The following NELL1 variants were observed in gnomAD, a reference collection of about 807,000 sequenced individuals.
NELL1 encodes the protein protein kinase C-binding protein NELL1.
NELL1 carries 76 observed loss-of-function variants against 107.4 expected under a neutral mutation model. The observed-to-expected ratio is 0.71, with a 90% CI of 0.59 to 0.86. The LOEUF is 0.86. Ranked by LOEUF, NELL1 falls within the 40% of genes least tolerant of loss-of-function variation. The pLI, the probability that NELL1 is intolerant of heterozygous loss-of-function variation, is 0.00. For synonymous variants in NELL1, 353 were observed against 341.2 expected (o/e 1.03, Z -0.38); for missense variants, 1,024 against 1,005.5 (o/e 1.02, Z -0.25).
chr11:21,147,836 C>CAAAAAAAAAAAAAA (rs35688285), intron 13 of NELL1, among the ~76,000 whole-genome samples: 4 of 28,806 alleles, frequency 1.4e-4, no homozygotes, highest in Non-Finnish European at 1.8e-4. Flanking sequence ...AACTCCGTCT[C>CAAAAAAAAAAAAAA]AAAAAAAAAA....
intron 13 of NELL1, among the ~76,000 whole-genome samples, chr11:21,205,132 G>T (rs1235244108): frequency 6.6e-6 from 1 of 152,138 alleles, no homozygotes; most frequent in East Asian, 1.9e-4. Flanking sequence ...AGCAGAGCTC[G>T]AACGCTGTGC....
At chr11:21,084,537 G>A (rs140641437) in intron 12 of NELL1, among the ~76,000 whole-genome samples, 16 of 152,146 alleles carry the variant, frequency 1.1e-4, no homozygotes, top group South Asian at 4.1e-4. Flanking sequence ...TGAGAGTCTC[G>A]CTCTCCACAT....
intron 12 of NELL1, among the ~76,000 whole-genome samples, chr11:21,031,188 C>A (rs1296421767): frequency 2.0e-5 from 3 of 152,070 alleles, no homozygotes; most frequent in Non-Finnish European, 4.4e-5. Context: ...TACAGATAGA[C>A]CGTTCTGTGC....
At chr11:21,501,418 G>A (rs1855138127) in intron 15 of NELL1, among the ~76,000 whole-genome samples, 1 of 152,162 alleles carries the variant, frequency 6.6e-6, no homozygotes, top group Non-Finnish European at 1.5e-5. Flanking sequence ...CTTGGATACT[G>A]TGTTTAAGAT....
At chr11:21,414,930 A>C (rs992394710) in intron 15 of NELL1, among the ~76,000 whole-genome samples, 1 of 152,122 alleles carries the variant, frequency 6.6e-6, no homozygotes. Flanking sequence ...GTTCAACATT[A>C]GAATGAGGCA....
rs1565169810 is a variant in NELL1 at position 21,327,162 on chromosome 11, G to GGTT, written c.1550-43691_1550-43690insGTT. 1.2e-4 allele frequency among the ~76,000 whole-genome samples: 12 copies of GGTT among 96,944 alleles called. 3 individuals are homozygous for GGTT. Among genetic ancestry groups the GGTT allele is most frequent in the Admixed American group, 1.3e-4 (1 of 7,658 alleles). The allele number at this position is 96,944 out of a possible 152,430, so 63.6% of individuals were successfully genotyped here. A position where few individuals can be genotyped will look rare whatever the true frequency, so the allele number is the denominator to read the frequency against. The stretch of plus-strand genomic sequence containing the variant: ...ACAGTGAGTTCTCATGAGATCTGAT[G>GGTT]TTTTTTTTTTTTTTTTGTGGGGGGG... On this transcript the variant is annotated intron_variant, in intron 14 of 19. Coordinates refer to ENST00000357134, the MANE Select transcript of NELL1 (RefSeq NM_006157.5).
intron 15 of NELL1, among the ~76,000 whole-genome samples, chr11:21,502,984 G>T (rs941706516): frequency 1.3e-5 from 2 of 152,186 alleles, no homozygotes; most frequent in African/African-American, 4.8e-5. Flanking sequence ...CCGGGTTCAA[G>T]TGATTCTCCT....
At chr11:20,998,537 A>G (rs1852142957) in intron 12 of NELL1, among the ~76,000 whole-genome samples, 1 of 152,180 alleles carries the variant, frequency 6.6e-6, no homozygotes. Context: ...CCATCTCTAT[A>G]TACCTCCAGT....
chr11:21,483,639 T>C (rs1329914529), intron 15 of NELL1, among the ~76,000 whole-genome samples: 1 of 151,920 alleles, frequency 6.6e-6, no homozygotes, highest in Non-Finnish European at 1.5e-5. Context: ...AAGCTTAATT[T>C]AAAGAGGATG....
At chr11:21,220,628 C>G (rs1049552159) in intron 13 of NELL1, among the ~76,000 whole-genome samples, 1 of 151,744 alleles carries the variant, frequency 6.6e-6, no homozygotes, top group Non-Finnish European at 1.5e-5. Context: ...TTTTTTGTAG[C>G]TATTGTAAAT....
chr11:21,008,630 T>G (rs1852381328), intron 12 of NELL1, among the ~76,000 whole-genome samples: 1 of 152,002 alleles, frequency 6.6e-6, no homozygotes, highest in Non-Finnish European at 1.5e-5. Context: ...AGAAGTGTGG[T>G]GTGGGAGAGA....
intron 15 of NELL1, among the ~76,000 whole-genome samples, chr11:21,440,567 A>C (rs1853256605): frequency 6.6e-6 from 1 of 152,152 alleles, no homozygotes; most frequent in African/African-American, 2.4e-5. Context: ...CAGGCTTATC[A>C]ATCAGTTTAG....
chr11:20,855,165 C>A (rs925463433), intron 4 of NELL1, among the ~76,000 whole-genome samples: 4 of 151,734 alleles, frequency 2.6e-5, no homozygotes, highest in Non-Finnish European at 5.9e-5. Flanking sequence ...TTTTAAGAAC[C>A]TTCAACTTTT....
intron 2 of NELL1, among the ~76,000 whole-genome samples, chr11:20,742,939 C>T (rs1855923979): frequency 1.3e-5 from 2 of 152,150 alleles, no homozygotes; most frequent in Admixed American, 1.3e-4. Context: ...TAGAATGTTT[C>T]TGTGTGCACA....
At chr11:20,729,584 TTGTG>T (rs1224187753) in intron 2 of NELL1, among the ~76,000 whole-genome samples, 2 of 152,174 alleles carry the variant, frequency 1.3e-5, no homozygotes, top group East Asian at 3.8e-4. Context: ...AAAATTCTGT[TTGTG>T]TGGTGAATTA....
intron 16 of NELL1, among the ~76,000 whole-genome samples, chr11:21,551,958 TA>T (rs1187934426): frequency 7.0e-6 from 1 of 143,810 alleles, no homozygotes; most frequent in East Asian, 2.1e-4. Flanking sequence ...TATGCAGCCA[TA>T]AAAAATGATG....
intron 4 of NELL1, among the ~76,000 whole-genome samples, chr11:20,850,428 G>A (rs930674745): frequency 6.6e-6 from 1 of 152,246 alleles, no homozygotes; most frequent in Non-Finnish European, 1.5e-5. Flanking sequence ...GCTAGGCACA[G>A]TGCTGAGTAC....
intron 7 of NELL1, 79 bp from the exon 8 acceptor site, chr11:20,927,229 T>C (rs1850516532): frequency 7.3e-7 from 1 of 1,371,866 alleles, no homozygotes; most frequent in South Asian, 1.4e-5. Flanking sequence ...CAGAAGGATT[T>C]TTTTTCTTGT....
chr11:21,349,674 T>C (rs16907973), intron 14 of NELL1, among the ~76,000 whole-genome samples: 2,690 of 152,148 alleles, frequency 0.018, 76 homozygotes, highest in South Asian at 0.056. Context: ...GGAATGTATA[T>C]GTTATATTGT....
Sources: gnomAD v4.1 joint callset for allele counts (sites outside exome capture counted in the v4.1 genomes callset) on GRCh38, gnomAD v4.1.1 for gene constraint, MANE v1.5 for transcripts, NCBI Gene and HGNC (gene_info 2026-07-23, HGNC 2026-07-21) for gene names.